Variants in MAST4 observed in about 807,000 individuals in gnomAD.
MAST4 encodes the protein microtubule-associated serine/threonine-protein kinase 4.
MAST4 carries 89 observed loss-of-function variants against 162.7 expected under a neutral mutation model. That is an observed-to-expected ratio of 0.55 (90% CI 0.46 to 0.65). The LOEUF (loss-of-function observed/expected upper bound fraction) is 0.65, where lower values mean the gene tolerates loss of function less well. Ranked by LOEUF, MAST4 falls within the 30% of genes least tolerant of loss-of-function variation. The pLI is 0.00. For synonymous variants in MAST4, 1,479 were observed against 1,361.1 expected, an observed-to-expected ratio of 1.09 and a Z score of -1.91; for missense variants, 3,153 against 3,374.0, an observed-to-expected ratio of 0.93 and a Z score of 1.62.
intron 3 of MAST4, among the ~76,000 whole-genome samples, chr5:66,824,836 TC>T (rs1757165291): frequency 6.6e-6 from 1 of 152,220 alleles, no homozygotes; most frequent in South Asian, 2.1e-4. Flanking sequence ...TATTTGTGTA[TC>T]TAAACATAGA....
intron 3 of MAST4, among the ~76,000 whole-genome samples, chr5:66,802,131 C>G (rs1465693531): frequency 6.6e-6 from 1 of 152,074 alleles, no homozygotes; most frequent in African/African-American, 2.4e-5. Flanking sequence ...AAAATATATT[C>G]CCTTTCAGCA....
chr5:66,701,591 T>C (rs1749778890), intron 1 of MAST4, among the ~76,000 whole-genome samples: 1 of 152,244 alleles, frequency 6.6e-6, no homozygotes, highest in Non-Finnish European at 1.5e-5. Context: ...TGGATGCTTC[T>C]TTAGTGAAGT....
chr5:66,948,833 T>A (rs1477469148), intron 4 of MAST4, among the ~76,000 whole-genome samples: 1 of 152,138 alleles, frequency 6.6e-6, no homozygotes, highest in African/African-American at 2.4e-5. Context: ...TGTCAAGTAT[T>A]TATTGAGTGC....
chr5:66,936,092 T>C (rs1742718093), intron 4 of MAST4, among the ~76,000 whole-genome samples: 1 of 152,174 alleles, frequency 6.6e-6, no homozygotes, highest in Non-Finnish European at 1.5e-5. Flanking sequence ...GGATCCAAAC[T>C]CAGTCTTTAT....
chr5:67,146,412 A>C (rs1200050355), intron 23 of MAST4, among the ~76,000 whole-genome samples: 1 of 152,266 alleles, frequency 6.6e-6, no homozygotes, highest in Non-Finnish European at 1.5e-5. Context: ...TTTTATGCAC[A>C]GCATATTCTT....
intron 4 of MAST4, among the ~76,000 whole-genome samples, chr5:66,904,957 G>A (rs937470353): frequency 6.6e-6 from 1 of 151,922 alleles, no homozygotes; most frequent in Non-Finnish European, 1.5e-5. Context: ...GTAGACCCCG[G>A]TGTCTTATTG....
chr5:67,016,984 T>G (rs1396936803), intron 4 of MAST4, among the ~76,000 whole-genome samples: 1 of 152,218 alleles, frequency 6.6e-6, no homozygotes, highest in African/African-American at 2.4e-5. Context: ...CTTATAGGCT[T>G]CTTTCCTTTT....
intron 1 of MAST4, among the ~76,000 whole-genome samples, chr5:66,612,735 C>T (rs1743375066): frequency 6.6e-6 from 1 of 152,106 alleles, no homozygotes; most frequent in African/African-American, 2.4e-5. Context: ...ATGGATTTTC[C>T]ATGGTGCCTT....
At chr5:66,860,136 T>C (rs1171652468) in intron 3 of MAST4, among the ~76,000 whole-genome samples, 1 of 152,244 alleles carries the variant, frequency 6.6e-6, no homozygotes, top group African/African-American at 2.4e-5. Context: ...GCTCCACTTA[T>C]CAGCTCTGTG....
At chr5:67,021,623 G>A (rs556922873) in intron 4 of MAST4, among the ~76,000 whole-genome samples, 1 of 152,270 alleles carries the variant, frequency 6.6e-6, no homozygotes, top group African/African-American at 2.4e-5. Flanking sequence ...TTTAAGCAAA[G>A]TGAATTCACA....
intron 1 of MAST4, among the ~76,000 whole-genome samples, chr5:66,605,334 A>G (rs751232942): frequency 2.0e-4 from 30 of 152,170 alleles, no homozygotes; most frequent in Non-Finnish European, 3.7e-4. Context: ...CAGACATCCT[A>G]AATGAGCAGA....
intron 1 of MAST4, among the ~76,000 whole-genome samples, chr5:66,639,989 T>C (rs1745380549): frequency 6.6e-6 from 1 of 152,312 alleles, no homozygotes; most frequent in East Asian, 1.9e-4. Context: ...TTCCAATATA[T>C]AATACAATAT....
intron 1 of MAST4, among the ~76,000 whole-genome samples, chr5:66,700,609 A>C: frequency 6.6e-6 from 1 of 151,760 alleles, no homozygotes. Flanking sequence ...GCTTGAACCC[A>C]GGAGGCAGAG....
intron 1 of MAST4, among the ~76,000 whole-genome samples, chr5:66,727,006 T>A (rs1242815483): frequency 6.6e-6 from 1 of 152,140 alleles, no homozygotes; most frequent in Non-Finnish European, 1.5e-5. Flanking sequence ...GTTCCAATGG[T>A]TCTGGTGAGA....
chr5:66,977,378 G>A (rs1013859782), intron 4 of MAST4, among the ~76,000 whole-genome samples: 5 of 152,198 alleles, frequency 3.3e-5, no homozygotes, highest in Non-Finnish European at 7.3e-5. Context: ...TGGGATTACA[G>A]GAGTGAGCCA....
chr5:66,826,651 C>A (rs957587780), intron 3 of MAST4, among the ~76,000 whole-genome samples: 21 of 151,830 alleles, frequency 1.4e-4, no homozygotes, highest in Admixed American at 3.3e-4. Flanking sequence ...AATTTGTTGC[C>A]CTCCTCTAGA....
At chr5:66,890,262 A>G (rs1208138790) in intron 3 of MAST4, among the ~76,000 whole-genome samples, 2 of 152,212 alleles carry the variant, frequency 1.3e-5, no homozygotes. Context: ...GCTGTTATTC[A>G]TGTAACTGTT....
Position 67,144,724 on chromosome 5 carries a change from C to G in MAST4, c.2786C>G (p.Ser929Cys). ...AATTCAGCAGAAGAGAAGGAAGACTCTGTGGACAAAACCAAAAGCACCACC... is the reference window on the plus strand; with the variant it reads ...AATTCAGCAGAAGAGAAGGAAGACTGTGTGGACAAAACCAAAAGCACCACC... ...TQNSAEEKED[S>C]VDKTKSTTLP... The change falls in exon 22 of 29, where the codon TCT (serine) becomes TGT (cysteine). Residue 929 changes from serine (S) to cysteine (C), a missense_variant. By Grantham distance (112) the Ser-to-Cys change is moderately radical. This residue lies in a region of MAST4 where 619 missense variants were observed against 744.2 expected (regional missense o/e 0.83). Coordinates refer to ENST00000403625, the MANE Select transcript of MAST4 (RefSeq NM_001164664.2). The G allele has an allele frequency of 6.2e-7, 1 of 1,613,928 alleles. No individual in the cohort carries two copies. Among genetic ancestry groups the G allele is most frequent in the Non-Finnish European group, 8.5e-7 (1 of 1,179,844 alleles).
rs540456887 is a variant in MAST4 at position 67,163,433 on chromosome 5, C to T, written c.4254C>T (p.His1418=). Residue 1418 remains histidine, a synonymous_variant, in exon 29 of 29, where the codon CAC becomes CAT. Coordinates refer to ENST00000403625, the MANE Select transcript of MAST4 (RefSeq NM_001164664.2). This position sits in a 1 kb window ranked among gnomAD's most constrained non-coding sequence, Gnocchi z 7.0. ...CGCAAGCCTTTCCCAGCAAGATGCA[C>T]TCCCCGCCCACCATCGTCAGACACA... ...KIAQAFPSKM[H]SPPTIVRHIV... is the part of the protein sequence containing the mutation. 2.5e-6 allele frequency: 4 copies of T among 1,613,322 alleles called. No individual in the cohort carries two copies. Among genetic ancestry groups the T allele is most frequent in the African/African-American group, 1.3e-5 (1 of 75,062 alleles).
Sources: gnomAD v4.1 joint callset for allele counts (sites outside exome capture counted in the v4.1 genomes callset) on GRCh38, gnomAD v4.1.1 for gene constraint, gnomAD v4.1.1 regional missense constraint, Gnocchi (gnomAD v3.1) non-coding constraint, MANE v1.5 for transcripts, NCBI Gene and HGNC (gene_info 2026-07-23, HGNC 2026-07-21) for gene names.